Variants in IL1RAPL1 observed in about 807,000 individuals in gnomAD.
IL1RAPL1 encodes interleukin 1 receptor accessory protein like 1.
A neutral mutation model predicts 48.4 loss-of-function variants in IL1RAPL1; 3 were observed. That is an observed-to-expected ratio of 0.06 (90% CI 0.03 to 0.16). The LOEUF (loss-of-function observed/expected upper bound fraction) is 0.16, where lower values mean the gene tolerates loss of function less well. Among genes scored for constraint, IL1RAPL1 ranks in the 10% least tolerant of loss-of-function variants. The pLI is 1.00. For missense variants in IL1RAPL1, 349 were observed against 530.6 expected, an observed-to-expected ratio of 0.66 and a Z score of 3.36; for synonymous variants, 185 against 187.7, an observed-to-expected ratio of 0.99 and a Z score of 0.12.
intron 3 of IL1RAPL1, among the ~76,000 whole-genome samples, chrX:29,344,830 G>A (rs1246737262): frequency 9.0e-6 from 1 of 111,729 alleles, no homozygotes; most frequent in African/African-American, 3.3e-5. Context: ...TAGAGGCAGG[G>A]TTTCACCATA....
chrX:29,208,917 A>G (rs766586013), intron 2 of IL1RAPL1, among the ~76,000 whole-genome samples: 3 of 110,007 alleles, frequency 2.7e-5, no homozygotes, highest in African/African-American at 6.6e-5. Context: ...CTGCTTTAGG[A>G]TAAAGAAGGC....
chrX:29,169,628 C>G (rs1240197094), intron 2 of IL1RAPL1, among the ~76,000 whole-genome samples: 6 of 110,589 alleles, frequency 5.4e-5, no homozygotes, highest in Non-Finnish European at 1.1e-4. Context: ...TGATTCTTAC[C>G]ATGATTTCTT....
chrX:28,904,283 A>G (rs905518474), intron 2 of IL1RAPL1, among the ~76,000 whole-genome samples: 2 of 111,997 alleles, frequency 1.8e-5, no homozygotes, highest in Non-Finnish European at 3.8e-5. Flanking sequence ...AAAAAAGGGT[A>G]TATAAAATTG....
intron 3 of IL1RAPL1, among the ~76,000 whole-genome samples, chrX:29,353,512 C>A (rs1933261636): frequency 9.0e-6 from 1 of 111,651 alleles, no homozygotes; most frequent in African/African-American, 3.2e-5. Flanking sequence ...AACAAAGGAT[C>A]TTTTGACCTC....
Position 28,956,311 on chromosome X carries a change from G to A in IL1RAPL1, c.82+166886G>A, listed in dbSNP as rs1358560631. On this transcript the variant is annotated intron_variant, in intron 2 of 10. Coordinates refer to ENST00000378993, the MANE Select transcript of IL1RAPL1 (RefSeq NM_014271.4). ...TTCCAACACTATGTTGAATAGGAGT[G>A]GTGAGAGAGGGCATCCCTGTCTTGT... 2.8e-5 allele frequency among the ~76,000 whole-genome samples: 3 copies of A among 108,376 alleles called. No homozygotes were observed. The Admixed American group carries it at 3.0e-4, about 11-fold the overall frequency. The allele number at this position is 108,376 out of a possible 115,157, so 94.1% of individuals were successfully genotyped here.
intron 2 of IL1RAPL1, among the ~76,000 whole-genome samples, chrX:29,094,817 T>A (rs964383866): frequency 2.1e-3 from 74 of 34,500 alleles, no homozygotes; most frequent in South Asian, 4.3e-3. Context: ...ATCTATTTAA[T>A]AGAAAACACA....
chrX:29,623,921 TTATGTAG>T (rs1924541365), intron 5 of IL1RAPL1, among the ~76,000 whole-genome samples: 1 of 111,984 alleles, frequency 8.9e-6, no homozygotes, highest in Non-Finnish European at 1.9e-5. Flanking sequence ...ATCTTAGTCC[TTATGTAG>T]CCCCCATAGT....
chrX:28,765,720 T>C (rs1046276026), intron 1 of IL1RAPL1, among the ~76,000 whole-genome samples: 1 of 112,181 alleles, frequency 8.9e-6, no homozygotes, highest in African/African-American at 3.2e-5. Context: ...GATAAAGTAT[T>C]GATAATTTCA....
At chrX:28,712,927 C>T (rs1935457827) in intron 1 of IL1RAPL1, among the ~76,000 whole-genome samples, 1 of 111,652 alleles carries the variant, frequency 9.0e-6, no homozygotes, top group African/African-American at 3.3e-5. Context: ...CCTGTTTTTA[C>T]AATTAAATGT....
chrX:29,899,612 C>T (rs1238566430), intron 6 of IL1RAPL1, among the ~76,000 whole-genome samples: 2 of 107,263 alleles, frequency 1.9e-5, no homozygotes, highest in African/African-American at 3.4e-5. Context: ...GGCGCGATCT[C>T]GGCTCACTGC....
At chrX:29,685,156 A>AT (rs1475142671) in intron 6 of IL1RAPL1, among the ~76,000 whole-genome samples, 1 of 112,371 alleles carries the variant, frequency 8.9e-6, no homozygotes, top group Non-Finnish European at 1.9e-5. Flanking sequence ...GACTTACGAT[A>AT]TTTTTATGAC....
At chrX:29,746,927 A>G (rs1018910246) in intron 6 of IL1RAPL1, among the ~76,000 whole-genome samples, 1 of 112,391 alleles carries the variant, frequency 8.9e-6, no homozygotes, top group Non-Finnish European at 1.9e-5. Flanking sequence ...TTCTTTACTA[A>G]TCATGAAACC....
At chrX:28,639,733 A>G (rs1238280204) in intron 1 of IL1RAPL1, among the ~76,000 whole-genome samples, 1 of 112,099 alleles carries the variant, frequency 8.9e-6, no homozygotes, top group Admixed American at 9.5e-5. Context: ...TCTCTGACTC[A>G]GTCTGATCCT....
At chrX:28,728,751 A>G (rs962586273) in intron 1 of IL1RAPL1, among the ~76,000 whole-genome samples, 5 of 111,721 alleles carry the variant, frequency 4.5e-5, no homozygotes, top group Non-Finnish European at 9.4e-5. Context: ...GCAATGCAGA[A>G]CACTTTTTTA....
At chrX:29,766,791 T>G (rs1175618135) in intron 6 of IL1RAPL1, among the ~76,000 whole-genome samples, 4 of 103,607 alleles carry the variant, frequency 3.9e-5, no homozygotes, top group Non-Finnish European at 7.7e-5. Context: ...AAATATAAAT[T>G]ATATAATGTG....
chrX:28,926,751 TTC>T (rs762951180), intron 2 of IL1RAPL1, among the ~76,000 whole-genome samples: 2 of 111,539 alleles, frequency 1.8e-5, no homozygotes, highest in Non-Finnish European at 3.8e-5. Context: ...TCACACCTTC[TTC>T]TCTCTCTTCA....
intron 1 of IL1RAPL1, among the ~76,000 whole-genome samples, chrX:28,779,727 ATACT>A (rs1229248069): frequency 1.0e-5 from 1 of 97,358 alleles, no homozygotes; most frequent in African/African-American, 3.7e-5. Context: ...CTCATCTTAA[ATACT>A]TACCTTGCTT....
intron 2 of IL1RAPL1, among the ~76,000 whole-genome samples, chrX:29,160,364 A>G (rs755754083): frequency 1.8e-5 from 2 of 111,494 alleles, no homozygotes; most frequent in Non-Finnish European, 3.8e-5. Context: ...TTCCAATTTA[A>G]TGATGATAGA....
chrX:29,064,870 T>C (rs1201891560), intron 2 of IL1RAPL1, among the ~76,000 whole-genome samples: 1 of 112,354 alleles, frequency 8.9e-6, no homozygotes, highest in East Asian at 2.8e-4. Context: ...CGTGAGCCAT[T>C]GCGCCCGGCC....
Sources: allele counts gnomAD v4.1 joint callset (sites outside exome capture counted in the v4.1 genomes callset), GRCh38; gene constraint gnomAD v4.1.1; transcripts MANE v1.5; gene names NCBI Gene and HGNC (gene_info 2026-07-23, HGNC 2026-07-21).